Variants in SYNM observed in about 807,000 individuals in gnomAD.
SYNM encodes the protein desmuslin.
In SYNM, 95 loss-of-function variants were observed where a neutral mutation model predicts 104.0. The ratio of observed to expected loss-of-function variants is 0.91; its 90% CI spans 0.77 to 1.08. The LOEUF (loss-of-function observed/expected upper bound fraction) is 1.08. Ranked by LOEUF, SYNM falls within the 50% of genes least tolerant of loss-of-function variation. The probability of loss-of-function intolerance (pLI) is 0.00; values close to 1 mark genes in which losing one functional copy is unlikely to be tolerated. For synonymous variants in SYNM, 918 were observed against 869.0 expected, an observed-to-expected ratio of 1.06 and a Z score of -0.99; for missense variants, 2,150 against 2,052.2, an observed-to-expected ratio of 1.05 and a Z score of -0.92.
chr15:99,132,745 T>G lies in SYNM; in HGVS notation c.4385T>G (p.Phe1462Cys), dbSNP rs2292287. 44 of 1,613,604 alleles carry G rather than the reference T, an allele frequency of 2.7e-5. No homozygotes were observed. The East Asian group carries it at 9.8e-4, about 36-fold the overall frequency. The change falls in exon 4 of 4, where the codon TTT becomes TGT. Residue 1462 changes from phenylalanine (F) to cysteine (C), a missense_variant. By Grantham distance (205) the Phe-to-Cys change is radical (BLOSUM62 -2). Transcript: ENST00000336292. ...GGGCCCAAAGAAACTTCGTTTACCTTTCAGATGGATGTGAGTAACGTAGAG... is the reference window on the plus strand; with the variant it reads ...GGGCCCAAAGAAACTTCGTTTACCTGTCAGATGGATGTGAGTAACGTAGAG... ...APGPKETSFT[F>C]QMDVSNVEAI... is the part of the protein sequence containing the mutation.
chr15:99,132,385 CTG>C lies in SYNM; in HGVS notation c.4028_4029del (p.Val1343AlafsTer19), dbSNP rs782441676. ...GGGGAATCTGGTGACTCAGAGAGCA[CTG>C]TGCACGGAGAGGGCTCAGCAGATGT... On this transcript the variant is annotated frameshift_variant, in exon 4 of 4. Transcript: ENST00000336292. LOFTEE classifies it high-confidence loss of function. 1.2e-5 allele frequency: 19 copies of C among 1,613,998 alleles called. No individual in the cohort carries two copies. Among genetic ancestry groups the C allele is most frequent in the East Asian group, 4.5e-5 (2 of 44,880 alleles).
intron 1 of SYNM, among the ~76,000 whole-genome samples, chr15:99,107,278 T>C (rs559127357): frequency 6.6e-6 from 1 of 152,314 alleles, no homozygotes; most frequent in South Asian, 2.1e-4. Context: ...TTGTGAGCAC[T>C]TGTGTCCCTT....
chr15:99,131,075 T>A lies in SYNM; in HGVS notation c.2715T>A (p.Thr905=), dbSNP rs370231710. Residue 905 remains threonine (T), a synonymous_variant, in exon 4 of 4, where the codon ACT becomes ACA. Coordinates refer to ENST00000336292, the MANE Select transcript of SYNM (RefSeq NM_145728.3). The surrounding 1 kb of genome is among the most constrained non-coding windows in gnomAD (Gnocchi z 4.3). Reference sequence around the variant, plus strand: ...CTCTGGAGGGGGACCTGGGTTCCACTCACTGGAAAGAACAAGCTAGAAGCG... The same window carrying A: ...CTCTGGAGGGGGACCTGGGTTCCACACACTGGAAAGAACAAGCTAGAAGCG... ...APSLEGDLGS[T]HWKEQARSGE... is the part of the protein sequence containing the mutation. The A allele has an allele frequency of 7.1e-5, 114 of 1,605,368 alleles. No homozygotes were observed. Among genetic ancestry groups the A allele is most frequent in the Non-Finnish European group, 9.5e-5 (112 of 1,175,762 alleles).
At chr15:99,139,634 A>G (rs1423138506), downstream of SYNM, 48 of 1,496,572 alleles carry the variant, frequency 3.2e-5, no homozygotes, top group Non-Finnish European at 4.2e-5. Context: ...GACTATCTGT[A>G]TGCAAAAAAT....
chr15:99,114,458 C>T (rs1467040787), intron 2 of SYNM, among the ~76,000 whole-genome samples: 1 of 151,908 alleles, frequency 6.6e-6, no homozygotes, highest in Non-Finnish European at 1.5e-5. Flanking sequence ...AGAGCCAAAC[C>T]GTGTCACAGG....
At chr15:99,106,765 A>G (rs1041485457) in intron 1 of SYNM, among the ~76,000 whole-genome samples, 1 of 151,116 alleles carries the variant, frequency 6.6e-6, no homozygotes, top group African/African-American at 2.4e-5. Context: ...GGCTGATGTA[A>G]ACTATGCCCA....
Position 99,134,930 on chromosome 15 carries a change from A to G in SYNM, c.*1872A>G, listed in dbSNP as rs1406455796. On this transcript the variant is annotated 3_prime_UTR_variant, in exon 4 of 4. Coordinates refer to ENST00000336292, the MANE Select transcript of SYNM (RefSeq NM_145728.3). ...TTTGTCGTTTCTAATACAGACAGAGATGTGCTGATTTTGTTTTAGCTGTAA... is the reference window on the plus strand; with the variant it reads ...TTTGTCGTTTCTAATACAGACAGAGGTGTGCTGATTTTGTTTTAGCTGTAA... 6.6e-6 allele frequency: 1 copy of G among 152,192 alleles called. No individual in the cohort carries two copies. The highest frequency in any genetic ancestry group is 1.5e-5 in the Non-Finnish European group (1 of 68,036). 9.4% of individuals were successfully genotyped at this position (152,192 alleles called of 1,614,324 possible).
At chr15:99,107,543 G>T (rs537264862) in intron 1 of SYNM, among the ~76,000 whole-genome samples, 2 of 152,164 alleles carry the variant, frequency 1.3e-5, no homozygotes, top group Non-Finnish European at 2.9e-5. Context: ...GGACCAAATC[G>T]TCACCATGCG....
At position 99,113,730 on chromosome 15, in the gene SYNM, C is replaced by T; in HGVS notation, c.935+15C>T. 1 of 1,612,910 alleles carries T rather than the reference C, an allele frequency of 6.2e-7. No homozygotes were observed. The highest frequency in any genetic ancestry group is 1.1e-5 in the South Asian group (1 of 90,832). The stretch of plus-strand genomic sequence containing the variant: ...GCGACCTACCGGTAAGGAGACTGTG[C>T]TGAGTTGGCCTTGACGAAGCCATGG... On this transcript the variant is annotated intron_variant, in intron 2 of 3. Transcript: ENST00000336292.
At chr15:99,126,637 G>A (rs1268808437) in intron 2 of SYNM, 85 bp from the exon 3 acceptor site, 6 of 1,293,072 alleles carry the variant, frequency 4.6e-6, no homozygotes, top group Admixed American at 2.0e-5. Flanking sequence ...TATGGTCATT[G>A]GCCGCATACC....
rs1295206104 is a variant in SYNM at position 99,105,374 on chromosome 15, C to T, written c.175C>T (p.Arg59Cys). Residue 59 changes from arginine (R) to cysteine (C), a missense_variant, in exon 1 of 4, where the codon CGC (arginine) becomes TGC (cysteine). Arg to Cys is a radical substitution (Grantham distance 180, BLOSUM62 -3). Transcript: ENST00000336292. Reference sequence around the variant, plus strand: ...GGGCCTGTGGGCCGAGGGGCAGGCCCGCTGCGCCGAGGAGGCGCGCAGCTT... The same window carrying T: ...GGGCCTGTGGGCCGAGGGGCAGGCCTGCTGCGCCGAGGAGGCGCGCAGCTT... ...REGLWAEGQA[R>C]CAEEARSLRQ... 6 of 1,522,848 alleles carry T rather than the reference C, an allele frequency of 3.9e-6. No individual in the cohort carries two copies. The highest frequency in any genetic ancestry group is 2.0e-5 in the Admixed American group (1 of 49,640). The allele number at this position is 1,522,848 out of a possible 1,614,324, so 94.3% of individuals were successfully genotyped here. A position where few individuals can be genotyped will look rare whatever the true frequency, so the allele number is the denominator to read the frequency against.
Position 99,133,049 on chromosome 15 carries a change from T to C in SYNM, c.4689T>C (p.His1563=). 1 of 1,613,330 alleles carries C rather than the reference T, an allele frequency of 6.2e-7. No individual in the cohort carries two copies. Among genetic ancestry groups the C allele is most frequent in the Non-Finnish European group, 8.5e-7 (1 of 1,179,866 alleles). The change falls in exon 4 of 4, where the codon CAT becomes CAC. Residue 1563 remains histidine, a synonymous_variant. Transcript: ENST00000336292. Reference sequence around the variant, plus strand: ...ATGAGGAGGAGGAGAATGATGGGCATTGGTTTTAATAAGCAGAAACATTTT... The same window carrying C: ...ATGAGGAGGAGGAGAATGATGGGCACTGGTTTTAATAAGCAGAAACATTTT... ...LDNEEEENDG[H]WF is the part of the protein sequence containing the mutation.
At chr15:99,136,619 A>G (rs1406959706), downstream of SYNM, 1 of 152,050 alleles carries the variant, frequency 6.6e-6, no homozygotes, top group African/African-American at 2.4e-5. Flanking sequence ...CTCATAACCT[A>G]ATCACCTCTC....
At chr15:99,138,319 A>T (rs1183356143), downstream of SYNM, among the ~76,000 whole-genome samples, 5 of 146,522 alleles carry the variant, frequency 3.4e-5, no homozygotes, top group African/African-American at 1.0e-4. Flanking sequence ...TATTTTTTTA[A>T]TTTTTTTTTT....
chr15:99,107,361 C>G (rs782675113), intron 1 of SYNM, among the ~76,000 whole-genome samples: 6 of 152,144 alleles, frequency 3.9e-5, no homozygotes, highest in Non-Finnish European at 5.9e-5. Flanking sequence ...TAAAAAGTGC[C>G]TTAATGTGGC....
intron 2 of SYNM, among the ~76,000 whole-genome samples, chr15:99,124,928 C>T (rs1173803046): frequency 6.6e-6 from 1 of 152,214 alleles, no homozygotes; most frequent in Non-Finnish European, 1.5e-5. Context: ...TATCTTGTCC[C>T]CTGAACCCAG....
In SYNM at chr15:99,105,610, G is replaced by A. The variant is rs1298877699; in HGVS notation, c.411G>A (p.Leu137=). 5 of 1,254,242 alleles carry A rather than the reference G, an allele frequency of 4.0e-6. No individual in the cohort carries two copies. The highest frequency in any genetic ancestry group is 2.5e-5 in the South Asian group (1 of 39,464). 77.7% of individuals were successfully genotyped at this position (1,254,242 alleles called of 1,614,324 possible). ...RAALEALLGR[L]QAERRGLDAA... is the part of the protein sequence containing the mutation. Reference sequence around the variant, plus strand: ...CCCTCGAGGCGCTGCTGGGCCGGCTGCAGGCCGAGCGCCGAGGCCTCGACG... The same window carrying A: ...CCCTCGAGGCGCTGCTGGGCCGGCTACAGGCCGAGCGCCGAGGCCTCGACG... Residue 137 remains leucine (L), a synonymous_variant, in exon 1 of 4, where the codon CTG becomes CTA. Transcript: ENST00000336292.
intron 3 of SYNM, among the ~76,000 whole-genome samples, chr15:99,127,822 A>G (rs1284940212): frequency 1.3e-5 from 2 of 152,202 alleles, no homozygotes; most frequent in Non-Finnish European, 2.9e-5. Flanking sequence ...TAACCTGTGG[A>G]TACCTAAGTT....
chr15:99,128,004 C>T (rs1555485207), intron 3 of SYNM, among the ~76,000 whole-genome samples: 1 of 126,136 alleles, frequency 7.9e-6, no homozygotes, highest in Non-Finnish European at 1.8e-5. Flanking sequence ...TAACTTGCTT[C>T]ATTCATTCAT....
Sources: gnomAD v4.1 joint callset for allele counts (sites outside exome capture counted in the v4.1 genomes callset) on GRCh38, gnomAD v4.1.1 for gene constraint, Gnocchi (gnomAD v3.1) non-coding constraint, MANE v1.5 for transcripts, NCBI Gene and HGNC (gene_info 2026-07-23, HGNC 2026-07-21) for gene names.